Variants in FNDC1 observed in about 807,000 individuals in gnomAD.
The protein encoded by FNDC1 is fibronectin type III domain containing 1.
In FNDC1, 96 loss-of-function variants were observed where a neutral mutation model predicts 168.0. That is an observed-to-expected ratio of 0.57 (90% CI 0.48 to 0.68). The LOEUF is 0.68. FNDC1 is among the 30% of genes least tolerant of loss of function. The probability of loss-of-function intolerance (pLI) is 0.00; values close to 1 mark genes in which losing one functional copy is unlikely to be tolerated. For missense variants in FNDC1, 2,587 were observed against 2,482.1 expected (o/e 1.04, Z -0.90); for synonymous variants, 1,099 against 1,025.9 (o/e 1.07, Z -1.36).
intron 15 of FNDC1, 141 bp from the exon 16 acceptor site, chr6:159,248,898 T>G: frequency 1.5e-6 from 1 of 669,246 alleles, no homozygotes; most frequent in Non-Finnish European, 2.3e-6. Context: ...GCATAGCATT[T>G]ATTTTAGGGT....
intron 9 of FNDC1, among the ~76,000 whole-genome samples, chr6:159,228,537 G>T (rs1233885900): frequency 1.5e-5 from 2 of 133,078 alleles, no homozygotes; most frequent in Non-Finnish European, 3.1e-5. Flanking sequence ...AGCATTTTTG[G>T]TTGAAACGTT....
chr6:159,206,736 G>A (rs1782493922), intron 4 of FNDC1, among the ~76,000 whole-genome samples: 1 of 152,186 alleles, frequency 6.6e-6, no homozygotes, highest in East Asian at 1.9e-4. Context: ...GCTACTGTGA[G>A]GGCCTGGGCC....
chr6:159,256,304 A>G (rs558619107), intron 17 of FNDC1, among the ~76,000 whole-genome samples: 1 of 152,336 alleles, frequency 6.6e-6, no homozygotes, highest in South Asian at 2.1e-4. Flanking sequence ...GCCAGCAGGC[A>G]TCAGGAAGTG....
chr6:159,268,923 C>T lies in FNDC1; in HGVS notation c.5569+997C>T, dbSNP rs1777650343. 2.0e-5 allele frequency among the ~76,000 whole-genome samples: 3 copies of T among 151,056 alleles called. No individual in the cohort carries two copies. In the South Asian group the frequency reaches 6.3e-4, roughly 32 times the overall value. ...TCCATCCATCTGTTCATCTGCTTGTCTATCTCTGTATCCATCATCTATCTA... is the reference window on the plus strand; with the variant it reads ...TCCATCCATCTGTTCATCTGCTTGTTTATCTCTGTATCCATCATCTATCTA... On this transcript the variant is annotated intron_variant, in intron 22 of 22. Coordinates refer to ENST00000297267, the MANE Select transcript of FNDC1 (RefSeq NM_032532.3).
chr6:159,210,105 G>A (rs533644524), intron 4 of FNDC1, among the ~76,000 whole-genome samples: 6 of 152,332 alleles, frequency 3.9e-5, no homozygotes, highest in South Asian at 4.1e-4. Context: ...CTCTGTAAGC[G>A]GGGCACATGC....
At position 159,242,888 on chromosome 6, in the gene FNDC1, C is replaced by A. The variant is rs1252881683; in HGVS notation, c.4621+2931C>A. Among the ~76,000 whole-genome samples, 6 of 152,086 alleles carry A rather than the reference C, an allele frequency of 3.9e-5. No individual in the cohort carries two copies. The East Asian group carries it at 1.2e-3, about 29-fold the overall frequency. On this transcript the variant is annotated intron_variant, in intron 14 of 22. Coordinates refer to ENST00000297267, the MANE Select transcript of FNDC1 (RefSeq NM_032532.3). ...ACATCAGTACTTCATTTTTTTTATT[C>A]CATTGTATGGATATACAGCATTTTT...
At chr6:159,257,520 T>A (rs1272311057) in intron 18 of FNDC1, among the ~76,000 whole-genome samples, 1 of 152,070 alleles carries the variant, frequency 6.6e-6, no homozygotes, top group Non-Finnish European at 1.5e-5. Context: ...AGCAAAGAGC[T>A]CGAAGTGAGG....
At chr6:159,259,961 C>T (rs7774874) in intron 18 of FNDC1, among the ~76,000 whole-genome samples, 13,367 of 152,232 alleles carry the variant, frequency 0.088, 1,074 homozygotes, top group East Asian at 0.32. Flanking sequence ...GGCTTGAGGC[C>T]AAGGCTGTTG....
At chr6:159,215,202 T>C in intron 5 of FNDC1, 51 bp downstream of exon 5, 2 of 1,525,872 alleles carry the variant, frequency 1.3e-6, no homozygotes, top group Non-Finnish European at 1.8e-6. Context: ...TTTGGGATCA[T>C]TTCAATATTT....
At chr6:159,206,762 T>C (rs1562637040) in intron 4 of FNDC1, among the ~76,000 whole-genome samples, 1 of 152,154 alleles carries the variant, frequency 6.6e-6, no homozygotes, top group African/African-American at 2.4e-5. Flanking sequence ...AAAAGATGTG[T>C]GCATCTGTAA....
chr6:159,242,467 T>C (rs1367005204), intron 14 of FNDC1, among the ~76,000 whole-genome samples: 1 of 152,146 alleles, frequency 6.6e-6, no homozygotes. Context: ...CTGCACATCC[T>C]GCACCTGTAC....
intron 5 of FNDC1, among the ~76,000 whole-genome samples, chr6:159,215,428 C>A (rs1782689250): frequency 6.6e-6 from 1 of 152,186 alleles, no homozygotes; most frequent in Admixed American, 6.5e-5. Context: ...TTTTCCTGGA[C>A]TTGAGAGTAG....
In FNDC1 at chr6:159,234,458, G is replaced by C. The variant is rs748511993; in HGVS notation, c.3946G>C (p.Ala1316Pro). Residue 1316 changes from alanine to proline, a missense_variant, in exon 11 of 23, where the codon GCC becomes CCC. Ala to Pro is a conservative substitution (Grantham distance 27). Coordinates refer to ENST00000297267, the MANE Select transcript of FNDC1 (RefSeq NM_032532.3). ...CCGTAACCCTCTCTCCCGACAGCCT[G>C]CCAGACCCTCTTACAGACAAGGTAG... Reference protein sequence around the residue: ...RFRNPLSRQPARPSYRQGYNG... With the variant: ...RFRNPLSRQPPRPSYRQGYNG... The C allele has an allele frequency of 6.2e-7, 1 of 1,613,462 alleles. No homozygotes were observed. Among genetic ancestry groups the C allele is most frequent in the Non-Finnish European group, 8.5e-7 (1 of 1,179,862 alleles).
chr6:159,198,339 T>C (rs578031683), intron 2 of FNDC1, among the ~76,000 whole-genome samples: 1 of 152,328 alleles, frequency 6.6e-6, no homozygotes, highest in African/African-American at 2.4e-5. Flanking sequence ...AGGTCTCCTC[T>C]TGTGCCACCT....
chr6:159,220,163 C>T (rs1253453320), intron 5 of FNDC1, among the ~76,000 whole-genome samples: 1 of 152,234 alleles, frequency 6.6e-6, no homozygotes, highest in African/African-American at 2.4e-5. Flanking sequence ...TATCCTCTTC[C>T]TTTGAAACCT....
chr6:159,256,537 A>T lies in FNDC1; in HGVS notation c.5080A>T (p.Ser1694Cys), dbSNP rs1777377534. The change falls in exon 18 of 23, where the codon AGT (serine) becomes TGT (cysteine). Residue 1694 changes from serine (S) to cysteine (C), a missense_variant. Ser to Cys is a moderately radical substitution (Grantham distance 112). Coordinates refer to ENST00000297267, the MANE Select transcript of FNDC1 (RefSeq NM_032532.3). Reference sequence around the variant, plus strand: ...TCCATTTTCAGGTTACTTGGTTTACAGTGCATCCTATGAAGACTTCATCAG... The same window carrying T: ...TCCATTTTCAGGTTACTTGGTTTACTGTGCATCCTATGAAGACTTCATCAG... ...GDVVTGYLVY[S>C]ASYEDFIRNK... is the part of the protein sequence containing the mutation. 2.5e-6 allele frequency: 4 copies of T among 1,613,228 alleles called. No homozygotes were observed.
intron 5 of FNDC1, among the ~76,000 whole-genome samples, chr6:159,215,840 T>C (rs428165): frequency 0.48 from 73,189 of 152,090 alleles, 19,967 homozygotes; most frequent in African/African-American, 0.74. Flanking sequence ...ATTCTAGCTG[T>C]GCTGGCAGTT....
At position 159,199,850 on chromosome 6, in the gene FNDC1, A is replaced by C. The variant is rs553361863; in HGVS notation, c.305-146A>C. ...GATTTTAATTTAAAAAAAGAGAGAC[A>C]TCTATCATTATGCTTGTCACTGAAT... On this transcript the variant is annotated intron_variant, in intron 2 of 22. Transcript: ENST00000297267. The C allele has an allele frequency of 1.7e-4, 109 of 644,918 alleles. No individual in the cohort carries two copies. The South Asian group carries it at 2.1e-3, about 12-fold the overall frequency. 39.9% of individuals were successfully genotyped at this position (644,918 alleles called of 1,614,324 possible).
intron 19 of FNDC1, among the ~76,000 whole-genome samples, chr6:159,262,675 A>T (rs569083983): frequency 6.6e-6 from 1 of 152,358 alleles, no homozygotes; most frequent in African/African-American, 2.4e-5. Context: ...ATATACACGT[A>T]ACTTCTGGAG....
Sources: gnomAD v4.1 joint callset for allele counts (sites outside exome capture counted in the v4.1 genomes callset) on GRCh38, gnomAD v4.1.1 for gene constraint, MANE v1.5 for transcripts, NCBI Gene and HGNC (gene_info 2026-07-23, HGNC 2026-07-21) for gene names.